The following MAPK8IP1 variants were observed in gnomAD, a reference collection of about 807,000 sequenced individuals.
MAPK8IP1 encodes the protein C-Jun-amino-terminal kinase-interacting protein 1.
In MAPK8IP1, 17 loss-of-function variants were observed where a neutral mutation model predicts 72.6. That is an observed-to-expected ratio of 0.23 (90% CI 0.16 to 0.35). MAPK8IP1 has a LOEUF of 0.35. Among genes scored for constraint, MAPK8IP1 ranks in the 10% least tolerant of loss-of-function variants. The pLI, the probability that MAPK8IP1 is intolerant of heterozygous loss-of-function variation, is 1.00. For synonymous variants in MAPK8IP1, 401 were observed against 443.4 expected, an observed-to-expected ratio of 0.90 and a Z score of 1.20; for missense variants, 789 against 1,009.7, an observed-to-expected ratio of 0.78 and a Z score of 2.96.
chr11:45,899,845 A>C (rs997939949), intron 2 of MAPK8IP1, among the ~76,000 whole-genome samples: 9 of 152,174 alleles, frequency 5.9e-5, no homozygotes, highest in Non-Finnish European at 8.8e-5. Context: ...CTCGGCTTAC[A>C]ACCCCGGTGA....
At chr11:45,901,874 C>T (rs2086655596) in intron 3 of MAPK8IP1, 106 bp from the exon 4 acceptor site, 2 of 851,874 alleles carry the variant, frequency 2.3e-6, no homozygotes, top group Non-Finnish European at 4.1e-6. Flanking sequence ...GCGGGGTGGA[C>T]ACAGCAAATG....
chr11:45,885,801 G>A lies in MAPK8IP1; in HGVS notation c.-20G>A. 1 of 1,372,918 alleles carries A rather than the reference G, an allele frequency of 7.3e-7. No homozygotes were observed. The highest frequency in any genetic ancestry group is 9.5e-7 in the Non-Finnish European group (1 of 1,055,758). The allele number at this position is 1,372,918 out of a possible 1,614,324, so 85.0% of individuals were successfully genotyped here. A position where few individuals can be genotyped will look rare whatever the true frequency, so the allele number is the denominator to read the frequency against. ...CCTCCGCGCCGCGCTCCGCCCGGAT[G>A]GCCAGGGCTGTGCCCGAGAATGGCG... On this transcript the variant is annotated 5_prime_UTR_variant, in exon 1 of 12. An upstream start codon of the reference 5' UTR is lost. Transcript: ENST00000241014.
At chr11:45,888,712 A>G (rs1239083362) in intron 1 of MAPK8IP1, among the ~76,000 whole-genome samples, 1 of 150,736 alleles carries the variant, frequency 6.6e-6, no homozygotes. Context: ...TTTTTTTTTG[A>G]GACAGAGTCT....
chr11:45,905,628 T>C (rs2086702072), intron 11 of MAPK8IP1, 21 bp from the exon 12 acceptor site: 4 of 1,606,858 alleles, frequency 2.5e-6, no homozygotes, highest in Non-Finnish European at 3.4e-6. Flanking sequence ...CTGAGCCATC[T>C]GTGTGTCCCC....
At chr11:45,898,309 G>T in intron 2 of MAPK8IP1, 119 bp downstream of exon 2, 1 of 682,334 alleles carries the variant, frequency 1.5e-6, no homozygotes. Context: ...CTCATGAAAT[G>T]AAATGATGTG....
Position 45,902,742 on chromosome 11 carries a change from G to T in MAPK8IP1, c.975G>T (p.Pro325=). 6.2e-7 allele frequency: 1 copy of T among 1,604,378 alleles called. No homozygotes were observed. The part of the protein sequence containing the change: ...PAAYPSTAGR[P]HPSISEEEEG... ...CCTACCCCTCCACGGCAGGGCGGCC[G>T]CACCCCTCCATCAGTGAAGAGGAAG... The change falls in exon 5 of 12, where the codon CCG becomes CCT. Residue 325 remains proline, a synonymous_variant. Transcript: ENST00000241014. This position sits in a 1 kb window ranked among gnomAD's most constrained non-coding sequence, Gnocchi z 9.3.
chr11:45,893,091 A>G (rs866858942), intron 1 of MAPK8IP1, among the ~76,000 whole-genome samples: 1 of 152,192 alleles, frequency 6.6e-6, no homozygotes, highest in Non-Finnish European at 1.5e-5. Flanking sequence ...CCTCCTCACC[A>G]CAGCACAGCC....
Position 45,904,045 on chromosome 11 carries a change from T to C in MAPK8IP1, c.1550T>C (p.Val517Ala). ...CTGGAAGTGGATGACCCTCTGCTAG[T>C]GGAGCTCCAGGCTGAAGACTACTGG... ...LELEVDDPLL[V>A]ELQAEDYWYE... The change falls in exon 7 of 12, where the codon GTG (valine) becomes GCG (alanine). Residue 517 changes from valine (V) to alanine (A), a missense_variant. By Grantham distance (64) the Val-to-Ala change is moderately conservative (BLOSUM62 0). Around this residue, in one of 4 missense-constraint regions of MAPK8IP1, gnomAD observed 188 missense variants for 293.3 expected, o/e 0.64. Transcript: ENST00000241014. This position sits in a 1 kb window ranked among gnomAD's most constrained non-coding sequence, Gnocchi z 6.4. The C allele has an allele frequency of 6.2e-7, 1 of 1,614,010 alleles. No homozygotes were observed. The highest frequency in any genetic ancestry group is 8.5e-7 in the Non-Finnish European group (1 of 1,180,006).
chr11:45,888,842 G>T (rs1355532342), intron 1 of MAPK8IP1, among the ~76,000 whole-genome samples: 2 of 152,098 alleles, frequency 1.3e-5, no homozygotes, highest in Non-Finnish European at 2.9e-5. Context: ...TGGGATTACA[G>T]GTGCCCACCA....
rs1335816464 is a variant in MAPK8IP1, at chr11:45,900,801, G to A, written c.522+349G>A. Among the ~76,000 whole-genome samples, 1 of 152,136 alleles carries A rather than the reference G, an allele frequency of 6.6e-6. No homozygotes were observed. Among genetic ancestry groups the A allele is most frequent in the East Asian group, 1.9e-4 (1 of 5,186 alleles). On this transcript the variant is annotated intron_variant, in intron 3 of 11. Transcript: ENST00000241014. This position sits in a 1 kb window ranked among gnomAD's most constrained non-coding sequence, Gnocchi z 6.5. ...GGCTGTGACAGGGTTTCTCCTTTAG[G>A]ATATGGGGCTCCTGGTGAAAGTGGA...
Position 45,903,860 on chromosome 11 carries a change from A to G in MAPK8IP1, c.1494-129A>G. On this transcript the variant is annotated intron_variant, in intron 6 of 11. Coordinates refer to ENST00000241014, the MANE Select transcript of MAPK8IP1 (RefSeq NM_005456.4). The surrounding 1 kb of genome is among the most constrained non-coding windows in gnomAD (Gnocchi z 6.4). Reference sequence around the variant, plus strand: ...GCTCTCCCCTGGGGTTAGTACTGCAACAGGCACACAGGATGCTTTTGCAAA... The same window carrying G: ...GCTCTCCCCTGGGGTTAGTACTGCAGCAGGCACACAGGATGCTTTTGCAAA... The G allele has an allele frequency of 1.1e-6, 1 of 872,770 alleles. No homozygotes were observed. Among genetic ancestry groups the G allele is most frequent in the Non-Finnish European group, 1.9e-6 (1 of 522,790 alleles). 54.1% of individuals were successfully genotyped at this position (872,770 alleles called of 1,614,324 possible).
intron 1 of MAPK8IP1, among the ~76,000 whole-genome samples, chr11:45,896,312 G>T (rs1234846962): frequency 6.6e-6 from 1 of 152,244 alleles, no homozygotes; most frequent in Non-Finnish European, 1.5e-5. Flanking sequence ...TGAGGTCGGG[G>T]GGCTGAGCCT....
chr11:45,900,464 A>G lies in MAPK8IP1; in HGVS notation c.522+12A>G. The G allele has an allele frequency of 6.5e-7, 1 of 1,531,012 alleles. No homozygotes were observed. Among genetic ancestry groups the G allele is most frequent in the Non-Finnish European group, 8.7e-7 (1 of 1,144,892 alleles). The allele number at this position is 1,531,012 out of a possible 1,614,324, so 94.8% of individuals were successfully genotyped here. On this transcript the variant is annotated intron_variant, in intron 3 of 11. Transcript: ENST00000241014. The surrounding 1 kb of genome is among the most constrained non-coding windows in gnomAD (Gnocchi z 6.5). ...TGCCGCGGTCTCAGGTGAGGCGCCA[A>G]CGTGGGGGGCGGCGCCCTGGGCCGC...
At chr11:45,892,036 C>T (rs1010325944) in intron 1 of MAPK8IP1, among the ~76,000 whole-genome samples, 4 of 152,180 alleles carry the variant, frequency 2.6e-5, no homozygotes, top group Admixed American at 6.5e-5. Context: ...ATGTTATAAC[C>T]GCAAGTGGGG....
intron 1 of MAPK8IP1, 28 bp from the exon 2 acceptor site, chr11:45,898,057 T>G (rs2086621513): frequency 8.9e-6 from 13 of 1,453,330 alleles, no homozygotes; most frequent in Non-Finnish European, 1.3e-5. Flanking sequence ...GCCCCTGAGT[T>G]GTAACTTTGG....
rs2134678167 is a variant in MAPK8IP1 at position 45,904,324 on chromosome 11, T to C, written c.1667-131T>C. On this transcript the variant is annotated intron_variant, in intron 7 of 11. Coordinates refer to ENST00000241014, the MANE Select transcript of MAPK8IP1 (RefSeq NM_005456.4). This position sits in a 1 kb window ranked among gnomAD's most constrained non-coding sequence, Gnocchi z 6.4. The stretch of plus-strand genomic sequence containing the variant: ...TCAAGCAAAGTGAGGCCCGGCCAAG[T>C]TGGGCAGCCAGGGATTGTGGCAGCC... 8.4e-7 allele frequency: 1 copy of C among 1,189,542 alleles called. No individual in the cohort carries two copies. Among genetic ancestry groups the C allele is most frequent in the Non-Finnish European group, 1.2e-6 (1 of 816,498 alleles). 73.7% of individuals were successfully genotyped at this position (1,189,542 alleles called of 1,614,324 possible).
chr11:45,894,108 C>G (rs2086586056), intron 1 of MAPK8IP1, among the ~76,000 whole-genome samples: 1 of 152,200 alleles, frequency 6.6e-6, no homozygotes, highest in Non-Finnish European at 1.5e-5. Context: ...TGGCTTCATC[C>G]TGTATCTGGG....
intron 1 of MAPK8IP1, among the ~76,000 whole-genome samples, chr11:45,886,254 G>A (rs2086526465): frequency 6.6e-6 from 1 of 152,248 alleles, no homozygotes; most frequent in Non-Finnish European, 1.5e-5. Flanking sequence ...TGCGATCCCG[G>A]AGCGGGCAGG....
intron 1 of MAPK8IP1, among the ~76,000 whole-genome samples, chr11:45,892,198 G>A (rs777804610): frequency 2.0e-5 from 3 of 152,094 alleles, no homozygotes; most frequent in Non-Finnish European, 2.9e-5. Flanking sequence ...GTAGAGCGAG[G>A]GCCTGAGAGG....
Sources: allele counts gnomAD v4.1 joint callset (sites outside exome capture counted in the v4.1 genomes callset), GRCh38; gene constraint gnomAD v4.1.1; regional missense constraint gnomAD v4.1.1; non-coding constraint Gnocchi (gnomAD v3.1); transcripts MANE v1.5; gene names NCBI Gene and HGNC (gene_info 2026-07-23, HGNC 2026-07-21).